Variants in SIPA1L1 observed in about 807,000 individuals in gnomAD.
SIPA1L1 encodes signal induced proliferation associated 1 like 1, also known as signal-induced proliferation-associated 1-like protein 1.
In SIPA1L1, 26 loss-of-function variants were observed where a neutral mutation model predicts 162.7. That is an observed-to-expected ratio of 0.16 (90% CI 0.12 to 0.22). The LOEUF is 0.22. Ranked by LOEUF, SIPA1L1 falls within the 10% of genes least tolerant of loss-of-function variation. The pLI is 1.00. For synonymous variants in SIPA1L1, 829 were observed against 837.4 expected (o/e 0.99, Z 0.17); for missense variants, 1,874 against 2,241.0 (o/e 0.84, Z 3.31).
chr14:71,534,345 T>C (rs1405062689), intron 4 of SIPA1L1, among the ~76,000 whole-genome samples: 1 of 152,200 alleles, frequency 6.6e-6, no homozygotes, highest in Non-Finnish European at 1.5e-5. Context: ...AACAATACTT[T>C]ATGGCTTCTA....
intron 2 of SIPA1L1, among the ~76,000 whole-genome samples, chr14:71,343,553 A>G (rs956720203): frequency 5.9e-5 from 9 of 152,236 alleles, no homozygotes. Flanking sequence ...ACAGGAAAGT[A>G]TGAGGAAGAA....
chr14:71,492,049 A>G (rs993353732), intron 2 of SIPA1L1, among the ~76,000 whole-genome samples: 4 of 152,114 alleles, frequency 2.6e-5, no homozygotes, highest in African/African-American at 9.7e-5. Flanking sequence ...GCGAGGCACC[A>G]CGGTAGCTAG....
chr14:71,372,830 A>G (rs188239478), intron 2 of SIPA1L1, among the ~76,000 whole-genome samples: 55 of 152,314 alleles, frequency 3.6e-4, no homozygotes, highest in African/African-American at 1.3e-3. Context: ...CCTGGGTCAC[A>G]TAAATCTTCA....
chr14:71,367,429 C>T (rs2038419256), intron 2 of SIPA1L1, among the ~76,000 whole-genome samples: 1 of 151,420 alleles, frequency 6.6e-6, no homozygotes, highest in African/African-American at 2.4e-5. Flanking sequence ...GCCTCAGCCT[C>T]TCTAGTAGCT....
At chr14:71,674,806 C>T (rs113572903) in intron 12 of SIPA1L1, among the ~76,000 whole-genome samples, 1 of 151,484 alleles carries the variant, frequency 6.6e-6, no homozygotes, top group Non-Finnish European at 1.5e-5. Context: ...CCTCGTGATC[C>T]GCCCGCCTCG....
At chr14:71,531,251 C>A (rs1239823224) in intron 4 of SIPA1L1, among the ~76,000 whole-genome samples, 1 of 150,872 alleles carries the variant, frequency 6.6e-6, no homozygotes, top group African/African-American at 2.4e-5. Flanking sequence ...CTTCTGGCAT[C>A]ATTTTTCTGC....
At chr14:71,655,778 T>C (rs960778411) in intron 8 of SIPA1L1, among the ~76,000 whole-genome samples, 1 of 152,196 alleles carries the variant, frequency 6.6e-6, no homozygotes, top group Non-Finnish European at 1.5e-5. Flanking sequence ...TTTTGAGAAG[T>C]GTCTATTTGT....
At chr14:71,389,674 A>C (rs373521637) in intron 2 of SIPA1L1, among the ~76,000 whole-genome samples, 1 of 152,172 alleles carries the variant, frequency 6.6e-6, no homozygotes, top group East Asian at 1.9e-4. Flanking sequence ...CTTTGGTAAT[A>C]GGCAGTGTTT....
intron 5 of SIPA1L1, among the ~76,000 whole-genome samples, chr14:71,606,045 A>G (rs2037456563): frequency 6.6e-6 from 1 of 152,044 alleles, no homozygotes; most frequent in Non-Finnish European, 1.5e-5. Flanking sequence ...TGCCTCCTTG[A>G]TGGCACATGA....
At chr14:71,510,177 C>CTTTTTTTTTTTTTT (rs985233367) in intron 2 of SIPA1L1, among the ~76,000 whole-genome samples, 4 of 77,470 alleles carry the variant, frequency 5.2e-5, no homozygotes, top group South Asian at 5.5e-4. Flanking sequence ...TCCCCCCCAC[C>CTTTTTTTTTTTTTT]TTTTTTTTTT....
chr14:71,455,255 T>TA (rs1207917190), intron 2 of SIPA1L1, among the ~76,000 whole-genome samples: 1 of 152,204 alleles, frequency 6.6e-6, no homozygotes, highest in East Asian at 1.9e-4. Flanking sequence ...AGTTTTATCT[T>TA]TAGCTGTGAT....
intron 2 of SIPA1L1, among the ~76,000 whole-genome samples, chr14:71,422,923 G>C (rs1348579453): frequency 2.6e-5 from 4 of 152,284 alleles, no homozygotes; most frequent in East Asian, 3.9e-4. Context: ...CACAGTGGCT[G>C]TACCATTTTA....
At chr14:71,342,957 A>C (rs925198579) in intron 2 of SIPA1L1, among the ~76,000 whole-genome samples, 20 of 152,254 alleles carry the variant, frequency 1.3e-4, no homozygotes, top group African/African-American at 4.6e-4. Flanking sequence ...TGGCCAAAGA[A>C]GGCCACGATG....
intron 2 of SIPA1L1, among the ~76,000 whole-genome samples, chr14:71,339,896 TC>T (rs2035473044): frequency 1.3e-5 from 2 of 152,212 alleles, no homozygotes; most frequent in Non-Finnish European, 2.9e-5. Context: ...GATATTGAGT[TC>T]CTGTTACAGA....
At chr14:71,503,871 T>C (rs2050442690) in intron 2 of SIPA1L1, 1 of 152,130 alleles carries the variant, frequency 6.6e-6, no homozygotes, top group Non-Finnish European at 1.5e-5. Flanking sequence ...TGGTACAATA[T>C]TGGCTCACTG....
chr14:71,671,802 A>G (rs2044546576), intron 11 of SIPA1L1, 110 bp downstream of exon 11: 1 of 772,942 alleles, frequency 1.3e-6, no homozygotes, highest in African/African-American at 1.8e-5. Context: ...CTCCTCTGAA[A>G]ACTCCCTTGA....
At chr14:71,502,355 C>T (rs2050329066) in intron 2 of SIPA1L1, among the ~76,000 whole-genome samples, 1 of 150,544 alleles carries the variant, frequency 6.6e-6, no homozygotes, top group African/African-American at 2.4e-5. Flanking sequence ...TCTCATGCCT[C>T]AGCCTCCCGA....
intron 4 of SIPA1L1, among the ~76,000 whole-genome samples, chr14:71,535,470 G>A (rs2053812565): frequency 6.6e-6 from 1 of 152,156 alleles, no homozygotes; most frequent in South Asian, 2.1e-4. Flanking sequence ...TATATAGAAA[G>A]AGTAGAATAA....
intron 4 of SIPA1L1, among the ~76,000 whole-genome samples, chr14:71,583,704 C>T (rs2147387826): frequency 6.6e-6 from 1 of 152,056 alleles, no homozygotes. Flanking sequence ...AAATTTTTTT[C>T]ATTATTCTGC....
Sources: allele counts gnomAD v4.1 joint callset (sites outside exome capture counted in the v4.1 genomes callset), GRCh38; gene constraint gnomAD v4.1.1; transcripts MANE v1.5; gene names NCBI Gene and HGNC (gene_info 2026-07-23, HGNC 2026-07-21).